The following WDPCP variants were observed in gnomAD, a reference collection of about 807,000 sequenced individuals.
WDPCP encodes WD repeat-containing and planar cell polarity effector protein fritz homolog.
Under a neutral mutation model 93.1 loss-of-function variants are expected in WDPCP, and 71 were observed. The ratio of observed to expected loss-of-function variants is 0.76; its 90% CI spans 0.63 to 0.93. The LOEUF (loss-of-function observed/expected upper bound fraction) is 0.93, where lower values mean the gene tolerates loss of function less well. Among genes scored for constraint, WDPCP ranks in the 40% least tolerant of loss-of-function variants. The pLI is 0.00. For synonymous variants in WDPCP, 315 were observed against 315.0 expected (o/e 1.00, Z 0.00); for missense variants, 844 against 887.4 (o/e 0.95, Z 0.62).
intron 1 of WDPCP, among the ~76,000 whole-genome samples, chr2:63,578,520 C>T (rs965283210): frequency 6.6e-6 from 1 of 152,112 alleles, no homozygotes; most frequent in Non-Finnish European, 1.5e-5. Flanking sequence ...ATCATGATTC[C>T]TCTCCAACTG....
rs771494543 is a variant in WDPCP at position 63,605,925 on chromosome 2, A to G, written n.488+44734T>C. 5 of 1,607,058 alleles carry G rather than the reference A, an allele frequency of 3.1e-6. No individual in the cohort carries two copies. The East Asian group carries it at 1.1e-4, about 36-fold the overall frequency. ...ACTAATCATCATGAGTATGTGAAAC[A>G]TTGTTATTTTCAGGGAGAGTTTGTG... is the stretch of plus-strand genomic sequence containing the variant. On this transcript the variant is annotated intron_variant and non_coding_transcript_variant, in intron 3 of 4. Transcript: ENST00000467687.
At chr2:63,588,687 G>C (rs1029280298), upstream of WDPCP, 7 of 469,160 alleles carry the variant, frequency 1.5e-5, no homozygotes, top group Non-Finnish European at 2.7e-5. Flanking sequence ...CCAATTGCCG[G>C]GCTCCATCAG....
intron 12 of WDPCP, among the ~76,000 whole-genome samples, chr2:63,335,097 G>T (rs149700821): frequency 6.6e-6 from 1 of 152,136 alleles, no homozygotes; most frequent in Non-Finnish European, 1.5e-5. Flanking sequence ...AGCTAGATGC[G>T]TAAGTGACTA....
chr2:63,568,448 A>G (rs931424384), intron 1 of WDPCP, among the ~76,000 whole-genome samples: 3 of 152,196 alleles, frequency 2.0e-5, no homozygotes, highest in African/African-American at 7.2e-5. Context: ...ACATAGTACT[A>G]TTTGAAACGC....
rs1160929506 is a variant in WDPCP, at chr2:63,441,851, T to C, written c.385-1980A>G. The C allele has an allele frequency of 3.9e-5, 6 of 152,300 alleles. No homozygotes were observed. In the East Asian group the frequency reaches 9.6e-4, roughly 24 times the overall value. 9.4% of individuals were successfully genotyped at this position (152,300 alleles called of 1,614,324 possible). A position where few individuals can be genotyped will look rare whatever the true frequency, so the allele number is the denominator to read the frequency against. On this transcript the variant is annotated intron_variant, in intron 6 of 17. Coordinates refer to ENST00000272321, the MANE Select transcript of WDPCP (RefSeq NM_015910.7). Reference sequence around the variant, plus strand: ...TTCACCAAAAACTGAATATTCATTATATGCCAAGCACTAAATTAAATTTAA... The same window carrying C: ...TTCACCAAAAACTGAATATTCATTACATGCCAAGCACTAAATTAAATTTAA...
At chr2:63,576,725 C>G (rs116640420) in intron 1 of WDPCP, among the ~76,000 whole-genome samples, 3,876 of 152,248 alleles carry the variant, frequency 0.025, 73 homozygotes, top group Non-Finnish European at 0.036. Context: ...GCCCCCCAAT[C>G]CTGAGGCTAT....
chr2:63,420,790 T>C (rs1454941135), intron 9 of WDPCP, among the ~76,000 whole-genome samples: 3 of 152,256 alleles, frequency 2.0e-5, no homozygotes, highest in African/African-American at 7.2e-5. Flanking sequence ...AGATTTCACA[T>C]GATCACATAG....
At chr2:63,594,624 T>A in intron 3 of WDPCP, 1 of 1,377,362 alleles carries the variant, frequency 7.3e-7, no homozygotes, top group African/African-American at 1.4e-5. Context: ...GTTATTAGAG[T>A]AAGAATATGG....
At chr2:63,398,081 G>T (rs553806628) in intron 10 of WDPCP, among the ~76,000 whole-genome samples, 1 of 152,216 alleles carries the variant, frequency 6.6e-6, no homozygotes, top group East Asian at 1.9e-4. Flanking sequence ...AAGAGGAAGG[G>T]ATTCTTTTTC....
At chr2:63,205,684 G>A (rs1012458644) in intron 14 of WDPCP, among the ~76,000 whole-genome samples, 4 of 152,272 alleles carry the variant, frequency 2.6e-5, no homozygotes, top group Middle Eastern at 6.8e-3. Flanking sequence ...TTTGTAACCC[G>A]CAGCTTCACT....
chr2:63,755,940 G>C (rs1196796430), intron 2 of WDPCP, among the ~76,000 whole-genome samples: 4 of 152,186 alleles, frequency 2.6e-5, no homozygotes, highest in African/African-American at 9.7e-5. Flanking sequence ...CAGAGACCAG[G>C]TAATTCTCAT....
chr2:63,702,877 C>G (rs191587936), intron 2 of WDPCP, among the ~76,000 whole-genome samples: 178 of 152,184 alleles, frequency 1.2e-3, no homozygotes, highest in Middle Eastern at 0.01. Context: ...CCCTCTCCCC[C>G]CACCCCACAA....
chr2:63,305,402 C>T (rs1442235911), intron 13 of WDPCP, among the ~76,000 whole-genome samples: 1 of 152,166 alleles, frequency 6.6e-6, no homozygotes, highest in Non-Finnish European at 1.5e-5. Context: ...GCGATCTTTG[C>T]TGTTCTGCAG....
chr2:63,354,668 A>G (rs984641886), intron 12 of WDPCP, among the ~76,000 whole-genome samples: 13 of 151,572 alleles, frequency 8.6e-5, no homozygotes, highest in South Asian at 2.1e-4. Context: ...GTGTATATAT[A>G]TGTGTGTGTG....
At chr2:63,379,441 T>G (rs1474593692) in intron 11 of WDPCP, among the ~76,000 whole-genome samples, 1 of 152,178 alleles carries the variant, frequency 6.6e-6, no homozygotes, top group African/African-American at 2.4e-5. Flanking sequence ...AGTAATTTCT[T>G]TTTTTAATCT....
At chr2:63,496,918 C>T (rs886789615) in intron 1 of WDPCP, among the ~76,000 whole-genome samples, 9 of 151,814 alleles carry the variant, frequency 5.9e-5, no homozygotes, top group Admixed American at 3.9e-4. Context: ...TCGAGACCAG[C>T]CTGGCCTTCA....
intron 4 of WDPCP, 151 bp downstream of exon 4, chr2:63,486,391 T>C: frequency 3.2e-6 from 2 of 629,058 alleles, no homozygotes; most frequent in East Asian, 2.9e-5. Flanking sequence ...GCCTGACAAA[T>C]ACAATTGTTA....
intron 7 of WDPCP, chr2:63,437,922 C>A: frequency 6.4e-7 from 1 of 1,570,438 alleles, no homozygotes; most frequent in Non-Finnish European, 8.7e-7. Context: ...CCTATGTTTA[C>A]ATGATAGAAA....
chr2:63,550,318 C>G (rs1271872134), intron 1 of WDPCP, among the ~76,000 whole-genome samples: 1 of 151,996 alleles, frequency 6.6e-6, no homozygotes, highest in Non-Finnish European at 1.5e-5. Context: ...CATGTATTCA[C>G]AATCCCTGCA....
Sources: gnomAD v4.1 joint callset for allele counts (sites outside exome capture counted in the v4.1 genomes callset) on GRCh38, gnomAD v4.1.1 for gene constraint, MANE v1.5 for transcripts, NCBI Gene and HGNC (gene_info 2026-07-23, HGNC 2026-07-21) for gene names.